RFX7: variants seen among roughly 807,000 people sequenced by gnomAD.
The protein encoded by RFX7 is regulatory factor X7.
In RFX7, 26 loss-of-function variants were observed where a neutral mutation model predicts 111.8. The ratio of observed to expected loss-of-function variants is 0.23; its 90% confidence interval spans 0.17 to 0.32. The LOEUF (loss-of-function observed/expected upper bound fraction) is 0.32. Among genes scored for constraint, RFX7 ranks in the 10% least tolerant of loss-of-function variants. RFX7 has a pLI of 1.00. For missense variants in RFX7, 1,573 were observed against 1,772.9 expected (o/e 0.89, Z 2.02); for synonymous variants, 624 against 624.4 (o/e 1.00, Z 0.01).
At chr15:56,100,179 T>G (rs1041355346) in intron 8 of RFX7, among the ~76,000 whole-genome samples, 1 of 152,228 alleles carries the variant, frequency 6.6e-6, no homozygotes, top group South Asian at 2.1e-4. Flanking sequence ...ACAAGTTAAT[T>G]GACCTCCCCA....
chr15:56,162,709 T>C (rs1410715051), intron 3 of RFX7, among the ~76,000 whole-genome samples: 7 of 152,070 alleles, frequency 4.6e-5, no homozygotes, highest in Non-Finnish European at 8.8e-5. Flanking sequence ...CTCAAGTGTT[T>C]AATGTAAAAA....
intron 2 of RFX7, among the ~76,000 whole-genome samples, chr15:56,242,331 C>G (rs996201885): frequency 7.2e-5 from 11 of 152,094 alleles, no homozygotes; most frequent in African/African-American, 2.7e-4. Context: ...AGTGGATGGA[C>G]TTAGTGTATT....
chr15:56,145,400 T>C (rs2042454763), intron 3 of RFX7, among the ~76,000 whole-genome samples: 1 of 152,204 alleles, frequency 6.6e-6, no homozygotes, highest in African/African-American at 2.4e-5. Context: ...CTTAACATGA[T>C]ATAACCAAGC....
chr15:56,140,856 C>T (rs1452307645), intron 5 of RFX7, among the ~76,000 whole-genome samples: 3 of 152,114 alleles, frequency 2.0e-5, no homozygotes, highest in African/African-American at 7.2e-5. Context: ...CCATGTCTTG[C>T]CAAAGGCAGA....
At chr15:56,219,320 G>C (rs2043399903) in intron 2 of RFX7, among the ~76,000 whole-genome samples, 2 of 151,734 alleles carry the variant, frequency 1.3e-5, no homozygotes, top group African/African-American at 4.8e-5. Flanking sequence ...CTAATGGTTA[G>C]TGTTTGCTTA....
intron 5 of RFX7, among the ~76,000 whole-genome samples, chr15:56,109,706 C>T (rs1477268806): frequency 6.8e-6 from 1 of 146,582 alleles, no homozygotes; most frequent in African/African-American, 2.6e-5. Flanking sequence ...TCGCCCCGTC[C>T]GGGATGTGAG....
intron 2 of RFX7, among the ~76,000 whole-genome samples, chr15:56,207,189 CTG>C (rs1357969060): frequency 6.6e-6 from 1 of 152,056 alleles, no homozygotes; most frequent in African/African-American, 2.4e-5. Flanking sequence ...TAGACAAACA[CTG>C]TAAGATTTCA....
At chr15:56,097,746 CAAAAAAAAAAAA>C (rs67718449) in intron 9 of RFX7, among the ~76,000 whole-genome samples, 3 of 47,332 alleles carry the variant, frequency 6.3e-5, no homozygotes, top group African/African-American at 1.1e-4. Flanking sequence ...GACTCTGTCT[CAAAAAAAAAAAA>C]AAAAAAAAAA....
chr15:56,131,104 A>T (rs1446503967), intron 5 of RFX7, among the ~76,000 whole-genome samples: 1 of 148,968 alleles, frequency 6.7e-6, no homozygotes, highest in Non-Finnish European at 1.5e-5. Context: ...CCTGACAAAG[A>T]TAGCATAAAA....
At chr15:56,191,125 A>G (rs1446114783) in intron 2 of RFX7, among the ~76,000 whole-genome samples, 1 of 152,190 alleles carries the variant, frequency 6.6e-6, no homozygotes, top group Non-Finnish European at 1.5e-5. Context: ...CACTGGACAG[A>G]GGTAGGGATG....
At chr15:56,150,024 CG>C (rs1173274124) in intron 3 of RFX7, among the ~76,000 whole-genome samples, 6 of 24,516 alleles carry the variant, frequency 2.4e-4, no homozygotes, top group South Asian at 1.5e-3. Context: ...CGACCTTGGT[CG>C]GGGGGTTGCG....
intron 2 of RFX7, among the ~76,000 whole-genome samples, chr15:56,235,969 C>G (rs765866659): frequency 1.3e-5 from 2 of 152,140 alleles, no homozygotes; most frequent in Non-Finnish European, 2.9e-5. Context: ...AGATTGGAAT[C>G]TGTCACTTTC....
At position 56,141,656 on chromosome 15, in the gene RFX7, AATATATATAT is replaced by A. The variant is rs368258249; in HGVS notation, c.401+1112_401+1121del. ...TAATGAAGAATCTATGCTTACTCTA[AATATATATAT>A]ATATATATATGCATATATGCTGAAT... On this transcript the variant is annotated intron_variant, in intron 5 of 9. Coordinates refer to ENST00000559447, the MANE Select transcript of RFX7 (RefSeq NM_022841.7). 2.8e-4 allele frequency among the ~76,000 whole-genome samples: 23 copies of A among 83,192 alleles called. 1 individual carries two copies. The highest frequency in any genetic ancestry group is 1.3e-3 in the African/African-American group (20 of 15,282). 54.6% of individuals were successfully genotyped at this position (83,192 alleles called of 152,430 possible). A position where few individuals can be genotyped will look rare whatever the true frequency, so the allele number is the denominator to read the frequency against.
At chr15:56,106,521 A>G (rs2140536694) in intron 5 of RFX7, among the ~76,000 whole-genome samples, 1 of 152,326 alleles carries the variant, frequency 6.6e-6, no homozygotes, top group Non-Finnish European at 1.5e-5. Flanking sequence ...AAATGTTAGA[A>G]TTGAAAAAAT....
At chr15:56,195,898 G>C (rs557830862) in intron 2 of RFX7, among the ~76,000 whole-genome samples, 43 of 152,160 alleles carry the variant, frequency 2.8e-4, no homozygotes, top group African/African-American at 1.0e-3. Flanking sequence ...CATTTCAAAA[G>C]CTCACACGTT....
chr15:56,214,273 T>C (rs1476824221), intron 2 of RFX7, among the ~76,000 whole-genome samples: 1 of 152,184 alleles, frequency 6.6e-6, no homozygotes. Context: ...ACTGTCAGGT[T>C]TTTTGAAAAA....
intron 2 of RFX7, among the ~76,000 whole-genome samples, chr15:56,181,835 A>G (rs2042976984): frequency 6.6e-6 from 1 of 152,098 alleles, no homozygotes; most frequent in Non-Finnish European, 1.5e-5. Flanking sequence ...AGGGTCCCCA[A>G]CTCTCATCCC....
intron 5 of RFX7, among the ~76,000 whole-genome samples, chr15:56,110,466 A>C (rs1487697704): frequency 5.3e-5 from 6 of 112,740 alleles, no homozygotes; most frequent in Admixed American, 8.9e-5. Flanking sequence ...AGGCGAGGGG[A>C]GCCTCTGCCC....
At chr15:56,240,613 G>C (rs1335070886) in intron 2 of RFX7, among the ~76,000 whole-genome samples, 3 of 152,100 alleles carry the variant, frequency 2.0e-5, no homozygotes, top group Non-Finnish European at 4.4e-5. Flanking sequence ...TTTGTGATAT[G>C]CAAGCCCAGT....
Sources: gnomAD v4.1 joint callset for allele counts (sites outside exome capture counted in the v4.1 genomes callset) on GRCh38, gnomAD v4.1.1 for gene constraint, MANE v1.5 for transcripts, NCBI Gene and HGNC (gene_info 2026-07-23, HGNC 2026-07-21) for gene names.